Variants in CCDC110 observed in about 807,000 individuals in gnomAD.
CCDC110 encodes the protein coiled-coil domain-containing protein 110.
In CCDC110, 70 loss-of-function variants were observed where a neutral mutation model predicts 77.1. The ratio of observed to expected loss-of-function variants is 0.91; its 90% CI spans 0.75 to 1.11. The LOEUF is 1.11. Ranked by LOEUF, CCDC110 falls within the 50% of genes least tolerant of loss-of-function variation. The probability of loss-of-function intolerance (pLI) is 0.00; values close to 1 mark genes in which losing one functional copy is unlikely to be tolerated. For synonymous variants in CCDC110, 295 were observed against 312.5 expected (o/e 0.94, Z 0.59); for missense variants, 868 against 942.9 (o/e 0.92, Z 1.04).
intron 6 of CCDC110, among the ~76,000 whole-genome samples, chr4:185,453,665 CT>C (rs2095632288): frequency 6.6e-6 from 1 of 151,590 alleles, no homozygotes; most frequent in Non-Finnish European, 1.5e-5. Flanking sequence ...CTGCCACAGC[CT>C]CCTAAGTAGC....
At chr4:185,462,161 C>T (rs913252297) in intron 4 of CCDC110, among the ~76,000 whole-genome samples, 1 of 152,200 alleles carries the variant, frequency 6.6e-6, no homozygotes. Flanking sequence ...GACCTTCTAG[C>T]AGATCTTCTG....
At chr4:185,456,562 AGG>A (rs1469848975) in intron 6 of CCDC110, among the ~76,000 whole-genome samples, 3 of 152,198 alleles carry the variant, frequency 2.0e-5, no homozygotes, top group Non-Finnish European at 4.4e-5. Context: ...GAAATTAAAG[AGG>A]GGACATCGCT....
At chr4:185,449,389 C>T (rs778099782) in intron 6 of CCDC110, among the ~76,000 whole-genome samples, 2 of 151,944 alleles carry the variant, frequency 1.3e-5, no homozygotes, top group Non-Finnish European at 2.9e-5. Flanking sequence ...GGCATGATGG[C>T]ACATGCCTGT....
intron 6 of CCDC110, among the ~76,000 whole-genome samples, chr4:185,448,269 C>T (rs2095620461): frequency 1.3e-5 from 2 of 152,166 alleles, no homozygotes; most frequent in Admixed American, 1.3e-4. Flanking sequence ...GATCCGCCCG[C>T]CTCAGCCTCC....
At chr4:185,467,007 G>T (rs1207062564) in intron 2 of CCDC110, among the ~76,000 whole-genome samples, 1 of 152,200 alleles carries the variant, frequency 6.6e-6, no homozygotes. Context: ...TTGGGTCTGA[G>T]TGCTTCTACT....
Position 185,458,163 on chromosome 4 carries a change from A to G in CCDC110, c.2424T>C (p.Ser808=). The G allele has an allele frequency of 1.3e-6, 2 of 1,589,632 alleles. No homozygotes were observed. Among genetic ancestry groups the G allele is most frequent in the Non-Finnish European group, 1.7e-6 (2 of 1,172,996 alleles). The change falls in exon 6 of 7, where the codon TCT becomes TCC. Residue 808 remains serine (S), a synonymous_variant. Coordinates refer to ENST00000307588, the MANE Select transcript of CCDC110 (RefSeq NM_152775.4). Reference sequence around the variant, plus strand: ...AAGCCAAAGGCCTACTCTGAGGACTAGAAGTATCTTCGTGAGTATAGTTGT... The same window carrying G: ...AAGCCAAAGGCCTACTCTGAGGACTGGAAGTATCTTCGTGAGTATAGTTGT... ...HFDNYTHEDT[S]SPQSRPLASD...
At position 185,459,752 on chromosome 4, in the gene CCDC110, C is replaced by T. The variant is rs377763666; in HGVS notation, c.835G>A (p.Gly279Ser). ...TGAATAGGGGACATGTCATATTTAC[C>T]ATTCCTGTGAACATCTGGATCAGTT... is the stretch of plus-strand genomic sequence containing the variant. ...LQTDPDVHRN[G>S]KYDMSPIHQD... Residue 279 changes from glycine (G) to serine (S), a missense_variant, in exon 6 of 7, where the codon GGT becomes AGT. Coordinates refer to ENST00000307588, the MANE Select transcript of CCDC110 (RefSeq NM_152775.4). 47 of 1,613,462 alleles carry T rather than the reference C, an allele frequency of 2.9e-5. No homozygotes were observed. Among genetic ancestry groups the T allele is most frequent in the Non-Finnish European group, 3.6e-5 (42 of 1,179,882 alleles).
chr4:185,457,962 A>T, intron 6 of CCDC110, 164 bp downstream of exon 6: 4 of 622,340 alleles, frequency 6.4e-6, no homozygotes, highest in Non-Finnish European at 9.9e-6. Flanking sequence ...TTTTATCTAG[A>T]AAAAATTCCT....
chr4:185,467,316 T>C (rs1033619998), intron 2 of CCDC110, among the ~76,000 whole-genome samples: 2 of 152,242 alleles, frequency 1.3e-5, no homozygotes, highest in Admixed American at 6.5e-5. Context: ...GTTTTTCTTA[T>C]GAGTTTCAGA....
rs1404192028 is a variant in CCDC110 at position 185,461,110 on chromosome 4, TC to T, written c.286del (p.Glu96LysfsTer51). The part of the protein sequence containing the change: ...EILNKSIIEV[E>X]NPQFSSEKNL... ...TTTTTCTGAGCTAAATTGTGGGTTT[TC>T]TACTTCAATAATACTTTTGTTCAAT... On this transcript the variant is annotated frameshift_variant, in exon 5 of 7. Coordinates refer to ENST00000307588, the MANE Select transcript of CCDC110 (RefSeq NM_152775.4). LOFTEE classifies it high-confidence loss of function. The T allele has an allele frequency of 6.2e-7, 1 of 1,600,294 alleles. No individual in the cohort carries two copies. Among genetic ancestry groups the T allele is most frequent in the Admixed American group, 1.7e-5 (1 of 57,432 alleles).
chr4:185,447,216 C>G (rs189390590), intron 6 of CCDC110, among the ~76,000 whole-genome samples: 2 of 149,350 alleles, frequency 1.3e-5, no homozygotes, highest in East Asian at 2.0e-4. Context: ...GAGTCTCACT[C>G]TGTCGCCCAG....
In CCDC110 at chr4:185,461,108, T is replaced by A. The variant is rs2095645545; in HGVS notation, c.289A>T (p.Asn97Tyr). The A allele has an allele frequency of 1.2e-6, 2 of 1,600,792 alleles. No individual in the cohort carries two copies. Among genetic ancestry groups the A allele is most frequent in the Non-Finnish European group, 1.7e-6 (2 of 1,174,058 alleles). Residue 97 changes from asparagine (N) to tyrosine (Y), a missense_variant, in exon 5 of 7, where the codon AAC (asparagine) becomes TAC (tyrosine). By Grantham distance (143) the Asn-to-Tyr change is moderately radical. Coordinates refer to ENST00000307588, the MANE Select transcript of CCDC110 (RefSeq NM_152775.4). The part of the protein sequence containing the change: ...ILNKSIIEVE[N>Y]PQFSSEKNLV... ...TTTTTTTCTGAGCTAAATTGTGGGT[T>A]TTCTACTTCAATAATACTTTTGTTC...
In CCDC110 at chr4:185,468,636, C is replaced by G. The variant is rs1580203612; in HGVS notation, c.115+2309G>C. ...ATTCTCTCTGCCTGCGGTGCTCTTT[C>G]CCTAGAAATCTGCACAGATTGCTTC... is the stretch of plus-strand genomic sequence containing the variant. On this transcript the variant is annotated intron_variant, in intron 2 of 6. Coordinates refer to ENST00000307588, the MANE Select transcript of CCDC110 (RefSeq NM_152775.4). This position sits in a 1 kb window ranked among gnomAD's most constrained non-coding sequence, Gnocchi z 4.5. Among the ~76,000 whole-genome samples the G allele has an allele frequency of 6.6e-6, 1 of 152,312 alleles. No individual in the cohort carries two copies. Among genetic ancestry groups the G allele is most frequent in the East Asian group, 1.9e-4 (1 of 5,188 alleles).
Position 185,459,463 on chromosome 4 carries a change from G to A in CCDC110, c.1124C>T (p.Ser375Phe), listed in dbSNP as rs114889573. The A allele has an allele frequency of 2.8e-4, 445 of 1,613,566 alleles. 2 individuals are homozygous for A. The African/African-American group carries it at 5.5e-3, about 20-fold the overall frequency. ...GGACAGTGTGTATCTTGGAACTCTG[G>A]AATGGAATTTTAAATCTGTAATATT... ...GKNITDLKFH[S>F]RVPRYTLSFL... is the part of the protein sequence containing the mutation. Residue 375 changes from serine (S) to phenylalanine (F), a missense_variant, in exon 6 of 7, where the codon TCC becomes TTC. Coordinates refer to ENST00000307588, the MANE Select transcript of CCDC110 (RefSeq NM_152775.4).
chr4:185,464,970 G>A (rs1287545423), intron 2 of CCDC110, among the ~76,000 whole-genome samples: 3 of 152,058 alleles, frequency 2.0e-5, no homozygotes, highest in African/African-American at 7.2e-5. Flanking sequence ...ATTCATTGTT[G>A]ACTTACTCCC....
intron 6 of CCDC110, among the ~76,000 whole-genome samples, chr4:185,451,672 C>A (rs6838700): frequency 0.44 from 66,622 of 152,044 alleles, 15,448 homozygotes; most frequent in African/African-American, 0.6. Flanking sequence ...ACCAAAAAAG[C>A]CTTATAAATA....
Position 185,470,686 on chromosome 4 carries a change from G to A in CCDC110, c.115+259C>T, listed in dbSNP as rs2095664415. Reference sequence around the variant, plus strand: ...TTCCTCGCTGCCTGTGTGACCTTAGGGAGTTAACCTCTCTGTGCCCGTTTC... The same window carrying A: ...TTCCTCGCTGCCTGTGTGACCTTAGAGAGTTAACCTCTCTGTGCCCGTTTC... On this transcript the variant is annotated intron_variant, in intron 2 of 6. Transcript: ENST00000307588. The A allele has an allele frequency of 6.9e-6, 4 of 577,482 alleles. No homozygotes were observed. The East Asian group carries it at 1.6e-4, about 23-fold the overall frequency. 35.8% of individuals were successfully genotyped at this position (577,482 alleles called of 1,614,324 possible).
intron 1 of CCDC110, 96 bp from the exon 2 acceptor site, chr4:185,471,145 A>G (rs59315434): frequency 0.038 from 1,294 of 33,960 alleles, 194 homozygotes; most frequent in African/African-American, 0.3. Flanking sequence ...GGGCAGGGCT[A>G]ACGGCTGGGG....
chr4:185,457,827 AAAAAG>A lies in CCDC110; in HGVS notation c.2461+294_2461+298del, dbSNP rs1020967577. 9.4e-6 allele frequency: 13 copies of A among 1,387,396 alleles called. No individual in the cohort carries two copies. In the African/African-American group the frequency reaches 1.2e-4, roughly 13 times the overall value. 85.9% of individuals were successfully genotyped at this position (1,387,396 alleles called of 1,614,324 possible). A position where few individuals can be genotyped will look rare whatever the true frequency, so the allele number is the denominator to read the frequency against. ...TTTACTTGGAATTCCTAGGGAAAAA[AAAAAG>A]AATTCTTTTAAGGTGGGAGTGCTAC... On this transcript the variant is annotated intron_variant, in intron 6 of 6. Coordinates refer to ENST00000307588, the MANE Select transcript of CCDC110 (RefSeq NM_152775.4).
Sources: allele counts gnomAD v4.1 joint callset (sites outside exome capture counted in the v4.1 genomes callset), GRCh38; gene constraint gnomAD v4.1.1; non-coding constraint Gnocchi (gnomAD v3.1); transcripts MANE v1.5; gene names NCBI Gene and HGNC (gene_info 2026-07-23, HGNC 2026-07-21).